The following STAU2 variants were observed in gnomAD, a reference collection of about 807,000 sequenced individuals.
STAU2 encodes double-stranded RNA-binding protein Staufen homolog 2.
In STAU2, 20 loss-of-function variants were observed where a neutral mutation model predicts 65.9. The observed-to-expected ratio is 0.30, with a 90% CI of 0.21 to 0.44. STAU2 has a LOEUF of 0.44. Ranked by LOEUF, STAU2 falls within the 20% of genes least tolerant of loss-of-function variation. STAU2 has a pLI of 1.00. For missense variants in STAU2, 558 were observed against 683.9 expected, an observed-to-expected ratio of 0.82 and a Z score of 2.05; for synonymous variants, 232 against 233.9, an observed-to-expected ratio of 0.99 and a Z score of 0.07.
intron 13 of STAU2, among the ~76,000 whole-genome samples, chr8:73,469,309 G>A (rs1336489535): frequency 6.6e-6 from 1 of 152,088 alleles, no homozygotes; most frequent in Non-Finnish European, 1.5e-5. Flanking sequence ...CTGTTGTGGG[G>A]TTGGGGGAGT....
chr8:73,447,231 A>T (rs1450627520), intron 13 of STAU2, among the ~76,000 whole-genome samples: 1 of 152,272 alleles, frequency 6.6e-6, no homozygotes, highest in Non-Finnish European at 1.5e-5. Flanking sequence ...GGCATGAGCC[A>T]CCGCAACCAG....
chr8:73,605,527 T>C (rs1372955255), intron 9 of STAU2, among the ~76,000 whole-genome samples: 2 of 151,972 alleles, frequency 1.3e-5, no homozygotes, highest in Non-Finnish European at 2.9e-5. Context: ...CAGGCTGGTC[T>C]CAAACTCGTG....
intron 5 of STAU2, among the ~76,000 whole-genome samples, chr8:73,681,189 G>T (rs7012073): frequency 2.0e-3 from 299 of 152,120 alleles, no homozygotes; most frequent in African/African-American, 6.5e-3. Flanking sequence ...TCAAGTCAAA[G>T]GAAATAATCT....
chr8:73,742,927 A>G (rs1454915320), intron 1 of STAU2, among the ~76,000 whole-genome samples: 2 of 152,180 alleles, frequency 1.3e-5, no homozygotes, highest in East Asian at 1.9e-4. Context: ...TAAATTTTTT[A>G]TATCAGCACC....
In STAU2 at chr8:73,534,528, A is replaced by C. The variant is rs180786268; in HGVS notation, c.1530+17484T>G. ...TAGTTCTATTTATAACTAATGAATT[A>C]ATGTATAAGTAAACAAAATTAATTT... On this transcript the variant is annotated intron_variant, in intron 13 of 14. Transcript: ENST00000524300. Among the ~76,000 whole-genome samples, 31 of 152,340 alleles carry C rather than the reference A, an allele frequency of 2.0e-4. 1 individual carries two copies. The highest frequency in any genetic ancestry group is 1.2e-4 in the Non-Finnish European group (8 of 68,032).
chr8:73,695,888 C>T (rs1452635268), intron 4 of STAU2, among the ~76,000 whole-genome samples: 1 of 152,184 alleles, frequency 6.6e-6, no homozygotes, highest in Non-Finnish European at 1.5e-5. Context: ...AGGTTTTTGA[C>T]TCCAATCCCT....
intron 12 of STAU2, among the ~76,000 whole-genome samples, chr8:73,579,746 T>C (rs368436200): frequency 6.6e-6 from 1 of 152,178 alleles, no homozygotes; most frequent in African/African-American, 2.4e-5. Flanking sequence ...ACACTTAGAA[T>C]AGTCTACCTT....
At chr8:73,634,261 A>AT (rs1381384985) in intron 6 of STAU2, among the ~76,000 whole-genome samples, 1 of 151,996 alleles carries the variant, frequency 6.6e-6, no homozygotes, top group Admixed American at 6.6e-5. Context: ...TTATTTATTT[A>AT]TTTATTTATT....
intron 9 of STAU2, among the ~76,000 whole-genome samples, chr8:73,605,349 C>T (rs1811935576): frequency 7.2e-6 from 1 of 138,920 alleles, no homozygotes; most frequent in Non-Finnish European, 1.5e-5. Flanking sequence ...CACTCTGTTG[C>T]CCAGGCTGGA....
At chr8:73,620,206 T>C (rs766394434) in intron 6 of STAU2, among the ~76,000 whole-genome samples, 7 of 152,348 alleles carry the variant, frequency 4.6e-5, no homozygotes, top group Non-Finnish European at 7.3e-5. Flanking sequence ...CACATAACTT[T>C]GTTTATTTTT....
At chr8:73,648,444 GTAAC>G (rs1465236145) in intron 6 of STAU2, among the ~76,000 whole-genome samples, 1 of 152,060 alleles carries the variant, frequency 6.6e-6, no homozygotes, top group African/African-American at 2.4e-5. Flanking sequence ...CTGTTTCTTC[GTAAC>G]TAAAACAGGG....
chr8:73,660,471 C>T (rs553404808), intron 6 of STAU2, among the ~76,000 whole-genome samples: 20 of 152,260 alleles, frequency 1.3e-4, no homozygotes, highest in African/African-American at 4.3e-4. Flanking sequence ...GCCTGGCTGC[C>T]TCTAAAAACA....
chr8:73,706,340 C>G (rs1820502082), intron 4 of STAU2, among the ~76,000 whole-genome samples: 1 of 152,086 alleles, frequency 6.6e-6, no homozygotes, highest in Non-Finnish European at 1.5e-5. Context: ...TGTTCTCAAA[C>G]TCCTGACCTC....
chr8:73,669,362 G>A (rs1245353627), intron 6 of STAU2, among the ~76,000 whole-genome samples: 1 of 151,906 alleles, frequency 6.6e-6, no homozygotes, highest in Non-Finnish European at 1.5e-5. Context: ...TTATGACTTT[G>A]GAGAAATCAT....
chr8:73,575,883 A>G (rs1215429609), intron 12 of STAU2, among the ~76,000 whole-genome samples: 1 of 152,160 alleles, frequency 6.6e-6, no homozygotes, highest in East Asian at 1.9e-4. Flanking sequence ...AGGACAAAAA[A>G]TACGGAGAGC....
In STAU2 at chr8:73,603,712, A is replaced by C; in HGVS notation, c.1029+14T>G. 2 of 1,606,124 alleles carry C rather than the reference A, an allele frequency of 1.2e-6. No homozygotes were observed. Among genetic ancestry groups the C allele is most frequent in the Non-Finnish European group, 8.5e-7 (1 of 1,178,350 alleles). On this transcript the variant is annotated intron_variant, in intron 10 of 14. Coordinates refer to ENST00000524300, the MANE Select transcript of STAU2 (RefSeq NM_001164380.2). The stretch of plus-strand genomic sequence containing the variant: ...TTCTAAATCTTTTCAATAGTTTTAA[A>C]AGGTTAGAAATACCTGCATCACAAA...
chr8:73,746,809 G>C lies in STAU2; in HGVS notation c.-223C>G, dbSNP rs1013675186. On this transcript the variant is annotated 5_prime_UTR_variant, in exon 1 of 15. Transcript: ENST00000524300. Reference sequence around the variant, plus strand: ...TTCTTGCCGGGGACACTTTGCAGACGGCTCCAACATTGGCAAACACTACAG... The same window carrying C: ...TTCTTGCCGGGGACACTTTGCAGACCGCTCCAACATTGGCAAACACTACAG... 1 of 1,231,484 alleles carries C rather than the reference G, an allele frequency of 8.1e-7. No individual in the cohort carries two copies. Among genetic ancestry groups the C allele is most frequent in the Non-Finnish European group, 1.0e-6 (1 of 986,718 alleles). 76.3% of individuals were successfully genotyped at this position (1,231,484 alleles called of 1,614,324 possible).
At chr8:73,437,629 A>G (rs1817808086) in intron 13 of STAU2, among the ~76,000 whole-genome samples, 1 of 152,212 alleles carries the variant, frequency 6.6e-6, no homozygotes, top group Non-Finnish European at 1.5e-5. Context: ...ACAGTCATGG[A>G]AAAATGAATA....
chr8:73,567,753 T>C (rs1305969748), intron 12 of STAU2, among the ~76,000 whole-genome samples: 1 of 152,026 alleles, frequency 6.6e-6, no homozygotes, highest in Non-Finnish European at 1.5e-5. Context: ...TTTCACCGTG[T>C]TGGCCAGGCT....
Sources: allele counts gnomAD v4.1 joint callset (sites outside exome capture counted in the v4.1 genomes callset), GRCh38; gene constraint gnomAD v4.1.1; transcripts MANE v1.5; gene names NCBI Gene and HGNC (gene_info 2026-07-23, HGNC 2026-07-21).